The following PDE4B variants were observed in gnomAD, a reference collection of about 807,000 sequenced individuals.
PDE4B encodes the protein 3',5'-cyclic-AMP phosphodiesterase 4B.
A neutral mutation model predicts 82.2 loss-of-function variants in PDE4B; 20 were observed. The observed-to-expected ratio is 0.24, with a 90% CI of 0.17 to 0.35. PDE4B has a LOEUF of 0.35. Ranked by LOEUF, PDE4B falls within the 10% of genes least tolerant of loss-of-function variation. The probability of loss-of-function intolerance (pLI) is 1.00; values close to 1 mark genes in which losing one functional copy is unlikely to be tolerated. For synonymous variants in PDE4B, 320 were observed against 318.9 expected (o/e 1.00, Z -0.04); for missense variants, 655 against 907.2 (o/e 0.72, Z 3.57).
chr1:66,155,724 C>A (rs1646490310), intron 3 of PDE4B, among the ~76,000 whole-genome samples: 3 of 152,018 alleles, frequency 2.0e-5, no homozygotes, highest in Non-Finnish European at 4.4e-5. Flanking sequence ...AAACACAAAT[C>A]TGCCCTAGTG....
At chr1:66,012,323 TAAAAG>T (rs1652531219) in intron 3 of PDE4B, among the ~76,000 whole-genome samples, 1 of 152,174 alleles carries the variant, frequency 6.6e-6, no homozygotes, top group African/African-American at 2.4e-5. Context: ...CTGGTCCTCA[TAAAAG>T]GTTTCACATT....
chr1:66,017,947 T>A (rs1436607934), intron 3 of PDE4B, among the ~76,000 whole-genome samples: 1 of 152,202 alleles, frequency 6.6e-6, no homozygotes, highest in East Asian at 1.9e-4. Context: ...TTATTTCAGT[T>A]ACATTTTGAA....
chr1:66,188,556 T>C (rs1647405549), intron 3 of PDE4B, among the ~76,000 whole-genome samples: 1 of 151,792 alleles, frequency 6.6e-6, no homozygotes, highest in Non-Finnish European at 1.5e-5. Context: ...TAGTTAGCTC[T>C]TCTTGTTGAA....
intron 3 of PDE4B, among the ~76,000 whole-genome samples, chr1:66,098,991 C>T (rs910758425): frequency 1.3e-5 from 2 of 152,086 alleles, no homozygotes; most frequent in African/African-American, 4.8e-5. Context: ...TTGTTCCTGG[C>T]TTGGTGAAAA....
At chr1:66,143,411 A>AC (rs921711954) in intron 3 of PDE4B, among the ~76,000 whole-genome samples, 1 of 152,182 alleles carries the variant, frequency 6.6e-6, no homozygotes, top group Non-Finnish European at 1.5e-5. Flanking sequence ...TCTGGAATCC[A>AC]CTGCAACAAT....
chr1:66,236,597 T>G (rs1402433761), intron 3 of PDE4B, among the ~76,000 whole-genome samples: 1 of 152,182 alleles, frequency 6.6e-6, no homozygotes, highest in South Asian at 2.1e-4. Context: ...AGTTATTTTT[T>G]GTTTGTGGGT....
chr1:66,279,105 A>G (rs1656101093), intron 7 of PDE4B, among the ~76,000 whole-genome samples: 1 of 152,076 alleles, frequency 6.6e-6, no homozygotes, highest in Non-Finnish European at 1.5e-5. Context: ...ACCATTTTCC[A>G]TATAGGCCCC....
intron 3 of PDE4B, among the ~76,000 whole-genome samples, chr1:66,176,372 C>T (rs1163749204): frequency 6.6e-6 from 1 of 152,226 alleles, no homozygotes; most frequent in East Asian, 1.9e-4. Flanking sequence ...ACATTCCCTG[C>T]CTGAGATCAC....
chr1:66,270,387 G>A (rs1295343653), intron 7 of PDE4B, among the ~76,000 whole-genome samples: 1 of 152,152 alleles, frequency 6.6e-6, no homozygotes, highest in Non-Finnish European at 1.5e-5. Flanking sequence ...CTATCCCTCC[G>A]GAGGTTCATG....
chr1:66,091,210 C>T (rs866512409), intron 3 of PDE4B, among the ~76,000 whole-genome samples: 2 of 151,946 alleles, frequency 1.3e-5, no homozygotes, highest in African/African-American at 4.8e-5. Context: ...TTTTATTTTC[C>T]TAGCATCTGT....
chr1:65,915,478 T>G (rs1647149024), intron 2 of PDE4B, among the ~76,000 whole-genome samples: 1 of 152,172 alleles, frequency 6.6e-6, no homozygotes, highest in South Asian at 2.1e-4. Context: ...TAAAAATACC[T>G]TATTCCATTT....
intron 7 of PDE4B, among the ~76,000 whole-genome samples, chr1:66,328,555 A>G (rs926639188): frequency 5.3e-5 from 8 of 152,212 alleles, no homozygotes; most frequent in African/African-American, 1.9e-4. Flanking sequence ...TGTTTTATAA[A>G]TGATGTCTGA....
At chr1:66,087,769 CA>C (rs538588695) in intron 3 of PDE4B, among the ~76,000 whole-genome samples, 2 of 148,512 alleles carry the variant, frequency 1.3e-5, no homozygotes, top group South Asian at 4.2e-4. Context: ...ATCGCAGGAA[CA>C]AAAAACCAAA....
chr1:66,354,332 G>A, intron 8 of PDE4B: 6 of 935,000 alleles, frequency 6.4e-6, no homozygotes, highest in Non-Finnish European at 7.7e-6. Flanking sequence ...AGTTGAAATG[G>A]GGGAGGGTAC....
chr1:65,982,607 A>G (rs1233314023), intron 3 of PDE4B, among the ~76,000 whole-genome samples: 2 of 152,074 alleles, frequency 1.3e-5, no homozygotes, highest in Non-Finnish European at 1.5e-5. Flanking sequence ...TCTGTGAAAG[A>G]CCCTCTTGTC....
chr1:65,994,157 T>C (rs1488213217), intron 3 of PDE4B, among the ~76,000 whole-genome samples: 1 of 152,206 alleles, frequency 6.6e-6, no homozygotes, highest in African/African-American at 2.4e-5. Context: ...ATCAACATTA[T>C]AAATTGAGGA....
At chr1:66,051,861 A>T (rs1048011415) in intron 3 of PDE4B, among the ~76,000 whole-genome samples, 8 of 152,182 alleles carry the variant, frequency 5.3e-5, no homozygotes, top group African/African-American at 1.7e-4. Flanking sequence ...TAGCATCCAG[A>T]TACCTCTTAA....
At chr1:66,158,104 G>A (rs567870388) in intron 3 of PDE4B, among the ~76,000 whole-genome samples, 1 of 152,236 alleles carries the variant, frequency 6.6e-6, no homozygotes, top group South Asian at 2.1e-4. Context: ...ATAGATTGAG[G>A]CATAATTCCA....
intron 3 of PDE4B, among the ~76,000 whole-genome samples, chr1:66,014,252 T>C (rs1937448): frequency 0.1 from 15,844 of 152,218 alleles, 951 homozygotes; most frequent in Admixed American, 0.18. Flanking sequence ...GGCTTTTCAC[T>C]ATACTCTTGT....
Sources: gnomAD v4.1 joint callset for allele counts (sites outside exome capture counted in the v4.1 genomes callset) on GRCh38, gnomAD v4.1.1 for gene constraint, MANE v1.5 for transcripts, NCBI Gene and HGNC (gene_info 2026-07-23, HGNC 2026-07-21) for gene names.